Variants in ZBTB20 observed in about 807,000 individuals in gnomAD.
ZBTB20 encodes the protein zinc finger and BTB domain containing 20.
Under a neutral mutation model 56.9 loss-of-function variants are expected in ZBTB20, and 9 were observed. The ratio of observed to expected loss-of-function variants is 0.16; its 90% CI spans 0.10 to 0.28. ZBTB20 has a LOEUF of 0.28. Among genes scored for constraint, ZBTB20 ranks in the 10% least tolerant of loss-of-function variants. The pLI, the probability that ZBTB20 is intolerant of heterozygous loss-of-function variation, is 1.00. For synonymous variants in ZBTB20, 417 were observed against 420.7 expected (o/e 0.99, Z 0.11); for missense variants, 655 against 1,003.0 (o/e 0.65, Z 4.69).
At chr3:114,622,186 T>A (rs1391365651) in intron 6 of ZBTB20, among the ~76,000 whole-genome samples, 1 of 151,966 alleles carries the variant, frequency 6.6e-6, no homozygotes, top group Non-Finnish European at 1.5e-5. Context: ...TTCCTGGGAG[T>A]CTGGGCAGTT....
chr3:114,538,592 T>C (rs186061517), intron 6 of ZBTB20, among the ~76,000 whole-genome samples: 450 of 152,242 alleles, frequency 3.0e-3, no homozygotes, highest in African/African-American at 9.7e-3. Context: ...TAAAACTTTA[T>C]ACTGAATTGC....
At chr3:115,049,421 AT>A (rs2081458902) in intron 2 of ZBTB20, among the ~76,000 whole-genome samples, 1 of 152,072 alleles carries the variant, frequency 6.6e-6, no homozygotes, top group South Asian at 2.1e-4. Flanking sequence ...CGTATTTCAG[AT>A]TTTTTCAGAT....
rs375368517 is a variant in ZBTB20, at chr3:114,326,605, C to A, written c.*12400G>T. On this transcript the variant is annotated 3_prime_UTR_variant, in exon 12 of 12. Coordinates refer to ENST00000675478, the MANE Select transcript of ZBTB20 (RefSeq NM_001348800.3). ...CAAATTAAGAAATAAAAATCCTTTA[C>A]TATCTTGAGAAGAAAGAAAGGGAAA... is the stretch of plus-strand genomic sequence containing the variant. 3 of 151,334 alleles carry A rather than the reference C, an allele frequency of 2.0e-5. No homozygotes were observed. Among genetic ancestry groups the A allele is most frequent in the African/African-American group, 7.3e-5 (3 of 41,260 alleles). 9.4% of individuals were successfully genotyped at this position (151,334 alleles called of 1,614,324 possible).
chr3:114,656,799 A>C (rs2060432546), intron 6 of ZBTB20, among the ~76,000 whole-genome samples: 1 of 152,138 alleles, frequency 6.6e-6, no homozygotes. Flanking sequence ...GCTAGAGTGC[A>C]GTGGAGCAAT....
chr3:115,060,443 G>C (rs1259520365), intron 2 of ZBTB20, among the ~76,000 whole-genome samples: 2 of 152,036 alleles, frequency 1.3e-5, no homozygotes, highest in Admixed American at 6.6e-5. Context: ...CTACAGGAAG[G>C]CTTTCCCGGG....
At chr3:115,123,698 T>A (rs2084245308) in intron 1 of ZBTB20, among the ~76,000 whole-genome samples, 1 of 152,122 alleles carries the variant, frequency 6.6e-6, no homozygotes, top group Admixed American at 6.5e-5. Flanking sequence ...TAAACACACA[T>A]CCAATCCATC....
At chr3:114,398,580 A>C (rs559705988) in intron 7 of ZBTB20, among the ~76,000 whole-genome samples, 4 of 152,278 alleles carry the variant, frequency 2.6e-5, no homozygotes, top group African/African-American at 9.6e-5. Flanking sequence ...CTTAGGTGAA[A>C]GTAAGAATTT....
intron 5 of ZBTB20, among the ~76,000 whole-genome samples, chr3:114,720,464 T>C (rs759929012): frequency 3.3e-5 from 5 of 152,032 alleles, no homozygotes; most frequent in Non-Finnish European, 7.4e-5. Context: ...AGAATAAACC[T>C]GAACAGAGGA....
chr3:115,060,288 T>C (rs886732861), intron 2 of ZBTB20, among the ~76,000 whole-genome samples: 24 of 152,206 alleles, frequency 1.6e-4, no homozygotes, highest in African/African-American at 5.3e-4. Flanking sequence ...AATAATAATA[T>C]AGTCTACCTC....
At chr3:114,810,905 TTTA>T (rs1406337961) in intron 4 of ZBTB20, among the ~76,000 whole-genome samples, 2 of 151,924 alleles carry the variant, frequency 1.3e-5, no homozygotes, top group Non-Finnish European at 1.5e-5. Context: ...CTCTAGAAAG[TTTA>T]AAGGTTTGGG....
chr3:114,511,557 T>A (rs1472692091), intron 6 of ZBTB20, among the ~76,000 whole-genome samples: 2 of 152,250 alleles, frequency 1.3e-5, no homozygotes, highest in East Asian at 3.9e-4. Flanking sequence ...ACTTTTAACC[T>A]CTCTTTCCTT....
chr3:114,875,114 C>A (rs1327957622), intron 4 of ZBTB20, among the ~76,000 whole-genome samples: 1 of 152,064 alleles, frequency 6.6e-6, no homozygotes, highest in Non-Finnish European at 1.5e-5. Flanking sequence ...TCTAGCTATG[C>A]CATTCACCGC....
At chr3:114,516,871 A>C (rs1198466813) in intron 6 of ZBTB20, among the ~76,000 whole-genome samples, 1 of 152,292 alleles carries the variant, frequency 6.6e-6, no homozygotes, top group Admixed American at 6.5e-5. Flanking sequence ...CCCTGTTGAT[A>C]CTTTAATCTT....
chr3:114,368,901 A>G (rs896266664), intron 10 of ZBTB20, among the ~76,000 whole-genome samples: 8 of 152,338 alleles, frequency 5.3e-5, no homozygotes, highest in African/African-American at 1.9e-4. Flanking sequence ...GATTTATGAA[A>G]ATTGGAAAAA....
chr3:115,083,670 C>T lies in ZBTB20; in HGVS notation c.-702-12256G>A, dbSNP rs543409660. Among the ~76,000 whole-genome samples the T allele has an allele frequency of 1.4e-3, 214 of 152,038 alleles. 1 individual carries two copies. Among genetic ancestry groups the T allele is most frequent in the African/African-American group, 4.9e-3 (205 of 41,492 alleles). On this transcript the variant is annotated intron_variant, in intron 1 of 11. Coordinates refer to ENST00000675478, the MANE Select transcript of ZBTB20 (RefSeq NM_001348800.3). ...AGTTAAGCTATAATTATAGCTCATG[C>T]TATAATTCCAATTTTCTACCTATTG...
chr3:114,991,432 C>G (rs1359540886), intron 2 of ZBTB20, among the ~76,000 whole-genome samples: 1 of 152,074 alleles, frequency 6.6e-6, no homozygotes, highest in Non-Finnish European at 1.5e-5. Flanking sequence ...GTTTCTTAAT[C>G]CCGAGTTCTA....
At chr3:114,863,247 C>T (rs892412448) in intron 4 of ZBTB20, among the ~76,000 whole-genome samples, 1 of 152,014 alleles carries the variant, frequency 6.6e-6, no homozygotes, top group African/African-American at 2.4e-5. Context: ...GAGAATCTGA[C>T]CAATATCTAA....
intron 3 of ZBTB20, among the ~76,000 whole-genome samples, chr3:114,951,268 A>G (rs2077058007): frequency 6.6e-6 from 1 of 151,978 alleles, no homozygotes; most frequent in Admixed American, 6.6e-5. Context: ...TTTTCCTGCT[A>G]CTTAGCCTTA....
chr3:114,931,633 T>A lies in ZBTB20; in HGVS notation c.-455-31291A>T, dbSNP rs543556767. 7.2e-5 allele frequency among the ~76,000 whole-genome samples: 11 copies of A among 152,308 alleles called. No homozygotes were observed. In the South Asian group the frequency reaches 1.4e-3, roughly 20 times the overall value. On this transcript the variant is annotated intron_variant, in intron 3 of 11. Coordinates refer to ENST00000675478, the MANE Select transcript of ZBTB20 (RefSeq NM_001348800.3). ...CATTATCTACGAAGCATGGGGTTTTTAAAATTATTTTTACCTACAGACATG... is the reference window on the plus strand; with the variant it reads ...CATTATCTACGAAGCATGGGGTTTTAAAAATTATTTTTACCTACAGACATG...
Sources: gnomAD v4.1 joint callset for allele counts (sites outside exome capture counted in the v4.1 genomes callset) on GRCh38, gnomAD v4.1.1 for gene constraint, MANE v1.5 for transcripts, NCBI Gene and HGNC (gene_info 2026-07-23, HGNC 2026-07-21) for gene names.